GTF2F2: variants seen among roughly 807,000 people sequenced by gnomAD.
GTF2F2 encodes ATP-dependent helicase GTF2F2.
In GTF2F2, 23 loss-of-function variants were observed where a neutral mutation model predicts 42.2. The observed-to-expected ratio is 0.55, with a 90% CI of 0.39 to 0.77. The LOEUF is 0.77. Among genes scored for constraint, GTF2F2 ranks in the 30% least tolerant of loss-of-function variants. The probability of loss-of-function intolerance (pLI) is 0.00; values close to 1 mark genes in which losing one functional copy is unlikely to be tolerated. For missense variants in GTF2F2, 261 were observed against 287.2 expected, an observed-to-expected ratio of 0.91 and a Z score of 0.66; for synonymous variants, 105 against 100.8, an observed-to-expected ratio of 1.04 and a Z score of -0.25.
At chr13:45,265,911 G>GCTTT (rs900220395) in intron 6 of GTF2F2, among the ~76,000 whole-genome samples, 28 of 152,304 alleles carry the variant, frequency 1.8e-4, no homozygotes, top group African/African-American at 6.5e-4. Flanking sequence ...ACCTACTGAT[G>GCTTT]CTTTCTTCAC....
intron 7 of GTF2F2, 22 bp downstream of exon 7, chr13:45,267,398 TC>T (rs1876612105): frequency 6.6e-7 from 1 of 1,503,826 alleles, no homozygotes; most frequent in African/African-American, 1.4e-5. Context: ...TTCATACTGA[TC>T]CTTTGAATAT....
chr13:45,273,383 G>GT (rs979586847), intron 7 of GTF2F2, among the ~76,000 whole-genome samples: 3 of 151,908 alleles, frequency 2.0e-5, no homozygotes, highest in Non-Finnish European at 4.4e-5. Context: ...GCCCTTGTTT[G>GT]TTTTTTACCT....
chr13:45,178,828 G>A (rs775503076), intron 4 of GTF2F2, among the ~76,000 whole-genome samples: 1 of 152,112 alleles, frequency 6.6e-6, no homozygotes, highest in Non-Finnish European at 1.5e-5. Flanking sequence ...TAAGCTGGGG[G>A]CTCTACTGTT....
intron 5 of GTF2F2, among the ~76,000 whole-genome samples, chr13:45,236,784 A>T (rs1309191140): frequency 6.6e-6 from 1 of 152,340 alleles, no homozygotes; most frequent in Middle Eastern, 3.4e-3. Context: ...AGAGCAGAAG[A>T]GGAATAAAAC....
At chr13:45,179,441 G>C (rs1446592525) in intron 4 of GTF2F2, among the ~76,000 whole-genome samples, 3 of 152,178 alleles carry the variant, frequency 2.0e-5, no homozygotes, top group Admixed American at 6.6e-5. Context: ...TAACTAGACT[G>C]TCTGTGGCAA....
intron 4 of GTF2F2, among the ~76,000 whole-genome samples, chr13:45,179,146 C>T (rs1295142724): frequency 2.0e-5 from 3 of 152,184 alleles, no homozygotes; most frequent in Admixed American, 2.0e-4. Flanking sequence ...AGTCACAGGA[C>T]CTGCTCAGAT....
rs182297999 is a variant in GTF2F2 at position 45,280,491 on chromosome 13, T to C, written c.631-2951T>C. ...AGTAAAATGGTCTTAGGTTGCAGTT[T>C]AGAACATCCTAAAAATCAGGAAGTT... is the stretch of plus-strand genomic sequence containing the variant. On this transcript the variant is annotated intron_variant, in intron 7 of 7. Transcript: ENST00000340473. 2.2e-3 allele frequency among the ~76,000 whole-genome samples: 332 copies of C among 152,334 alleles called. 1 individual carries two copies. The highest frequency in any genetic ancestry group is 7.7e-3 in the African/African-American group (321 of 41,574).
intron 7 of GTF2F2, among the ~76,000 whole-genome samples, chr13:45,278,712 A>G (rs1259660862): frequency 1.3e-5 from 2 of 150,092 alleles, no homozygotes; most frequent in African/African-American, 2.5e-5. Context: ...TAACATCTCT[A>G]TGCGGGCTGT....
At chr13:45,236,584 G>A (rs898803179) in intron 5 of GTF2F2, among the ~76,000 whole-genome samples, 21 of 151,814 alleles carry the variant, frequency 1.4e-4, no homozygotes, top group Admixed American at 2.6e-4. Flanking sequence ...AATCTTTTGG[G>A]ATTATGGGAG....
intron 6 of GTF2F2, among the ~76,000 whole-genome samples, chr13:45,260,575 A>G (rs1437118380): frequency 1.3e-5 from 2 of 152,244 alleles, no homozygotes; most frequent in Non-Finnish European, 1.5e-5. Context: ...TCTGCAAACA[A>G]TAATCTAGAA....
At chr13:45,257,273 A>G (rs929555612) in intron 6 of GTF2F2, among the ~76,000 whole-genome samples, 9 of 152,188 alleles carry the variant, frequency 5.9e-5, no homozygotes, top group Admixed American at 2.6e-4. Flanking sequence ...CGCACCCCTG[A>G]AAACCATCTT....
Position 45,252,955 on chromosome 13 carries a change from T to A in GTF2F2, c.471T>A (p.Ala157=). The A allele has an allele frequency of 7.3e-7, 1 of 1,366,354 alleles. No homozygotes were observed. The highest frequency in any genetic ancestry group is 9.9e-7 in the Non-Finnish European group (1 of 1,007,722). 84.6% of individuals were successfully genotyped at this position (1,366,354 alleles called of 1,614,324 possible). A position where few individuals can be genotyped will look rare whatever the true frequency, so the allele number is the denominator to read the frequency against. The change falls in exon 6 of 8, where the codon GCT becomes GCA. Residue 157 remains alanine, a synonymous_variant. Coordinates refer to ENST00000340473, the MANE Select transcript of GTF2F2 (RefSeq NM_004128.3). ...KVVTTNYKPV[A]NHQYNIEYER... ...TAACAACCAATTACAAACCTGTTGC[T>A]AATCATCAATACAATGTAAGTCTTC...
intron 6 of GTF2F2, among the ~76,000 whole-genome samples, chr13:45,263,385 T>C (rs547051865): frequency 8.8e-4 from 134 of 152,126 alleles, no homozygotes; most frequent in Admixed American, 3.7e-3. Context: ...CCCGCCACCA[T>C]GCCCGGCTAA....
chr13:45,195,724 G>C (rs777878171), intron 4 of GTF2F2, among the ~76,000 whole-genome samples: 17 of 152,326 alleles, frequency 1.1e-4, no homozygotes, highest in African/African-American at 2.9e-4. Flanking sequence ...TAAAGGCTCA[G>C]TGGTAAGAAA....
chr13:45,151,748 C>T lies in GTF2F2; in HGVS notation c.221C>T (p.Ser74Leu), dbSNP rs1319777139. ...NIHDIGGKPA[S>L]VSAPREHPFV... ...CATGATATTGGTGGAAAACCAGCTT[C>T]AGTCAGTGCTCCTAGAGAACATCCA... Residue 74 changes from serine (S) to leucine (L), a missense_variant, in exon 4 of 8, where the codon TCA (serine) becomes TTA (leucine). Physicochemically the swap from Ser to Leu is moderately radical, Grantham distance 145. Coordinates refer to ENST00000340473, the MANE Select transcript of GTF2F2 (RefSeq NM_004128.3). The T allele has an allele frequency of 6.3e-7, 1 of 1,599,058 alleles. No individual in the cohort carries two copies. Among genetic ancestry groups the T allele is most frequent in the African/African-American group, 1.3e-5 (1 of 74,406 alleles).
At chr13:45,261,308 C>T (rs1228377825) in intron 6 of GTF2F2, among the ~76,000 whole-genome samples, 1 of 151,690 alleles carries the variant, frequency 6.6e-6, no homozygotes, top group Non-Finnish European at 1.5e-5. Context: ...CGCCTGTAGT[C>T]CCAGCTACTC....
intron 4 of GTF2F2, among the ~76,000 whole-genome samples, chr13:45,166,976 T>C (rs1489700751): frequency 1.3e-5 from 2 of 152,166 alleles, no homozygotes; most frequent in African/African-American, 4.8e-5. Context: ...GAAAACCTTA[T>C]TCTTATATGT....
intron 2 of GTF2F2, among the ~76,000 whole-genome samples, chr13:45,147,497 A>G (rs1870253682): frequency 6.6e-6 from 1 of 152,194 alleles, no homozygotes; most frequent in South Asian, 2.1e-4. Flanking sequence ...CTGCCTCAAA[A>G]TGCAAGTTGA....
chr13:45,138,140 C>G (rs984195460), intron 2 of GTF2F2, among the ~76,000 whole-genome samples: 1 of 152,096 alleles, frequency 6.6e-6, no homozygotes, highest in African/African-American at 2.4e-5. Flanking sequence ...ATTGGCTGTT[C>G]CTTCTTAGTT....
Sources: allele counts gnomAD v4.1 joint callset (sites outside exome capture counted in the v4.1 genomes callset), GRCh38; gene constraint gnomAD v4.1.1; transcripts MANE v1.5; gene names NCBI Gene and HGNC (gene_info 2026-07-23, HGNC 2026-07-21).